SPTBN1: variants seen among roughly 807,000 people sequenced by gnomAD.
SPTBN1 encodes the protein spectrin beta chain, non-erythrocytic 1.
In SPTBN1, 32 loss-of-function variants were observed where a neutral mutation model predicts 266.4. That is an observed-to-expected ratio of 0.12 (90% CI 0.09 to 0.16). The LOEUF (loss-of-function observed/expected upper bound fraction) is 0.16. Ranked by LOEUF, SPTBN1 falls within the 10% of genes least tolerant of loss-of-function variation. The probability of loss-of-function intolerance (pLI) is 1.00; values close to 1 mark genes in which losing one functional copy is unlikely to be tolerated. For missense variants in SPTBN1, 2,296 were observed against 3,067.1 expected (o/e 0.75, Z 5.94); for synonymous variants, 1,336 against 1,162.2 (o/e 1.15, Z -3.04).
chr2:54,647,230 C>A lies in SPTBN1; in HGVS notation c.4966C>A (p.Arg1656=). The A allele has an allele frequency of 6.2e-7, 1 of 1,614,092 alleles. No homozygotes were observed. The highest frequency in any genetic ancestry group is 8.5e-7 in the Non-Finnish European group (1 of 1,180,044). The part of the protein sequence containing the change: ...ETVHQLSKTS[R]ALVADSHPES... ...CGTGCATCAGCTCTCCAAGACCAGC[C>A]GGGCCCTGGTGGCCGACAGCCATCC... Residue 1656 remains arginine, a synonymous_variant, in exon 24 of 36, where the codon CGG becomes AGG. Coordinates refer to ENST00000356805, the MANE Select transcript of SPTBN1 (RefSeq NM_003128.3).
chr2:54,636,715 A>G (rs1437794179), intron 17 of SPTBN1, among the ~76,000 whole-genome samples: 22 of 152,232 alleles, frequency 1.4e-4, no homozygotes, highest in Admixed American at 1.4e-3. Context: ...GGCAGAGAGA[A>G]ATTGCTCTAA....
intron 2 of SPTBN1, among the ~76,000 whole-genome samples, chr2:54,589,874 C>T (rs1675553783): frequency 6.6e-6 from 1 of 152,202 alleles, no homozygotes; most frequent in Non-Finnish European, 1.5e-5. Flanking sequence ...CTCCACCCTA[C>T]CACTATTCTT....
In SPTBN1 at chr2:54,568,628, G is replaced by A. The variant is rs567188975; in HGVS notation, c.149-30464G>A. 5.9e-5 allele frequency among the ~76,000 whole-genome samples: 9 copies of A among 152,254 alleles called. No individual in the cohort carries two copies. The East Asian group carries it at 1.7e-3, about 29-fold the overall frequency. On this transcript the variant is annotated intron_variant, in intron 2 of 35. Coordinates refer to ENST00000356805, the MANE Select transcript of SPTBN1 (RefSeq NM_003128.3). Reference sequence around the variant, plus strand: ...AGTAAGTCTTTTATAGAATTTGGCTGGGATTTTCCTATTTGCTAGTCCTGC... The same window carrying A: ...AGTAAGTCTTTTATAGAATTTGGCTAGGATTTTCCTATTTGCTAGTCCTGC...
At chr2:54,627,219 A>C (rs1039897135) in intron 12 of SPTBN1, among the ~76,000 whole-genome samples, 1 of 152,174 alleles carries the variant, frequency 6.6e-6, no homozygotes, top group Admixed American at 6.5e-5. Flanking sequence ...CAGTGTTCTT[A>C]GGTCTGGTCT....
chr2:54,537,146 C>T (rs1046268952), intron 2 of SPTBN1, among the ~76,000 whole-genome samples: 15 of 152,310 alleles, frequency 9.8e-5, no homozygotes, highest in African/African-American at 2.6e-4. Context: ...CTTATATTTC[C>T]GATGGGCCAT....
chr2:54,610,352 TC>T (rs1486673497), intron 3 of SPTBN1, among the ~76,000 whole-genome samples: 1 of 152,230 alleles, frequency 6.6e-6, no homozygotes, highest in African/African-American at 2.4e-5. Context: ...TTTTCTCAAA[TC>T]ATATTAGTCC....
rs1366010520 is a variant in SPTBN1, at chr2:54,607,725, G to A, written c.301-4436G>A. 2.6e-5 allele frequency among the ~76,000 whole-genome samples: 4 copies of A among 152,144 alleles called. No homozygotes were observed. The East Asian group carries it at 7.7e-4, about 29-fold the overall frequency. ...GCGACTTGAGCATTTATGGATTTTG[G>A]TATCATTGGGGGTCCTGGAATCAAT... On this transcript the variant is annotated intron_variant, in intron 3 of 35. Transcript: ENST00000356805.
At chr2:54,571,576 T>TACACAC (rs67239523) in intron 2 of SPTBN1, among the ~76,000 whole-genome samples, 1 of 100,656 alleles carries the variant, frequency 9.9e-6, no homozygotes, top group Non-Finnish European at 1.9e-5. Context: ...CACACACACA[T>TACACAC]ACACACACAC....
intron 2 of SPTBN1, among the ~76,000 whole-genome samples, chr2:54,562,101 G>A (rs1161486692): frequency 6.6e-6 from 1 of 152,106 alleles, no homozygotes; most frequent in African/African-American, 2.4e-5. Flanking sequence ...ATCGTATAAA[G>A]TTGTATTTGA....
chr2:54,593,944 C>T (rs551987359), intron 2 of SPTBN1, among the ~76,000 whole-genome samples: 1 of 146,254 alleles, frequency 6.8e-6, no homozygotes, highest in East Asian at 2.1e-4. Flanking sequence ...AGTAGTTCTC[C>T]TGCCTCAGCC....
chr2:54,590,808 GTTTGGGACC>G (rs1245194790), intron 2 of SPTBN1, among the ~76,000 whole-genome samples: 1 of 152,208 alleles, frequency 6.6e-6, no homozygotes, highest in Non-Finnish European at 1.5e-5. Context: ...AGGAGAGCCC[GTTTGGGACC>G]TTTAAATGCC....
intron 33 of SPTBN1, among the ~76,000 whole-genome samples, chr2:54,665,677 G>C (rs1681321306): frequency 6.6e-6 from 1 of 152,194 alleles, no homozygotes. Context: ...TGAAAGAGAA[G>C]ACATAGTCCT....
chr2:54,503,258 G>A (rs1300471900), intron 1 of SPTBN1, among the ~76,000 whole-genome samples: 3 of 152,184 alleles, frequency 2.0e-5, no homozygotes, highest in Admixed American at 6.5e-5. Context: ...CAATTCTCAT[G>A]GGAACTTGGC....
At chr2:54,471,350 C>A (rs998141366) in intron 1 of SPTBN1, among the ~76,000 whole-genome samples, 1 of 152,196 alleles carries the variant, frequency 6.6e-6, no homozygotes, top group Non-Finnish European at 1.5e-5. Context: ...GAGTGCTTAA[C>A]CTTTCTTTGG....
intron 29 of SPTBN1, 93 bp from the exon 30 acceptor site, chr2:54,657,757 C>G (rs1403778577): frequency 2.7e-6 from 4 of 1,460,358 alleles, no homozygotes; most frequent in Non-Finnish European, 3.8e-6. Flanking sequence ...TGCAGGTAGC[C>G]ATCACCAGAG....
At chr2:54,490,103 C>A (rs7566833) in intron 1 of SPTBN1, among the ~76,000 whole-genome samples, 3 of 146,592 alleles carry the variant, frequency 2.0e-5, no homozygotes, top group Non-Finnish European at 4.5e-5. Flanking sequence ...TTTTGTGAGG[C>A]GGAGTTGCAC....
At chr2:54,663,555 C>T (rs1164542203) in intron 32 of SPTBN1, 6 of 152,298 alleles carry the variant, frequency 3.9e-5, no homozygotes, top group East Asian at 3.9e-4. Context: ...GGAACGCTCC[C>T]GAAGACGTCT....
intron 18 of SPTBN1, among the ~76,000 whole-genome samples, chr2:54,641,665 C>T (rs1461987073): frequency 1.3e-5 from 2 of 151,734 alleles, no homozygotes; most frequent in Non-Finnish European, 2.9e-5. Flanking sequence ...TTTTAACCCC[C>T]TCCCACCCCC....
intron 2 of SPTBN1, among the ~76,000 whole-genome samples, chr2:54,562,113 G>GT (rs1191110160): frequency 6.6e-6 from 1 of 152,044 alleles, no homozygotes; most frequent in Admixed American, 6.6e-5. Context: ...TGTATTTGAT[G>GT]TTTTTTTCTC....
Sources: allele counts gnomAD v4.1 joint callset (sites outside exome capture counted in the v4.1 genomes callset), GRCh38; gene constraint gnomAD v4.1.1; transcripts MANE v1.5; gene names NCBI Gene and HGNC (gene_info 2026-07-23, HGNC 2026-07-21).